The following HYDIN variants were observed in gnomAD, a reference collection of about 807,000 sequenced individuals.
HYDIN encodes axonemal central pair apparatus protein HYDIN.
Under a neutral mutation model 403.9 loss-of-function variants are expected in HYDIN, and 132 were observed. The observed-to-expected ratio is 0.33, with a 90% CI of 0.28 to 0.38. HYDIN has a LOEUF of 0.38. Among genes scored for constraint, HYDIN ranks in the 10% least tolerant of loss-of-function variants. The pLI, the probability that HYDIN is intolerant of heterozygous loss-of-function variation, is 1.00. For missense variants in HYDIN, 2,827 were observed against 5,009.5 expected, an observed-to-expected ratio of 0.56 and a Z score of 13.15; for synonymous variants, 1,202 against 1,891.7, an observed-to-expected ratio of 0.64 and a Z score of 9.46.
At chr16:71,105,486 A>G (rs867166378) in intron 10 of HYDIN, among the ~76,000 whole-genome samples, 1 of 124,156 alleles carries the variant, frequency 8.1e-6, no homozygotes, top group Non-Finnish European at 1.7e-5. Context: ...TTCAATCTCC[A>G]TTCTTTAATT....
chr16:70,834,719 A>C (rs1053458984), intron 78 of HYDIN, among the ~76,000 whole-genome samples: 2 of 151,842 alleles, frequency 1.3e-5, no homozygotes, highest in Non-Finnish European at 2.9e-5. Flanking sequence ...TTTGTGGTTT[A>C]TGCCTGTAGT....
intron 50 of HYDIN, among the ~76,000 whole-genome samples, chr16:70,905,027 G>T (rs2143767482): frequency 6.6e-6 from 1 of 152,258 alleles, no homozygotes; most frequent in South Asian, 2.1e-4. Flanking sequence ...AAGCAAACCA[G>T]AAGGCCCAAG....
intron 28 of HYDIN, among the ~76,000 whole-genome samples, chr16:70,982,806 C>T (rs1319683662): frequency 3.1e-5 from 2 of 65,036 alleles, no homozygotes; most frequent in African/African-American, 1.1e-4. Flanking sequence ...TTTGCTATTG[C>T]CATTACAGAT....
chr16:70,868,919 T>C (rs867533619), intron 65 of HYDIN, 131 bp from the exon 66 acceptor site: 9 of 713,524 alleles, frequency 1.3e-5, no homozygotes, highest in South Asian at 1.2e-4. Context: ...CCTGTGTATG[T>C]AGACAGAATT....
intron 39 of HYDIN, among the ~76,000 whole-genome samples, chr16:70,958,249 AT>A (rs1490398724): frequency 6.6e-6 from 1 of 151,426 alleles, no homozygotes; most frequent in African/African-American, 2.4e-5. Flanking sequence ...AAGGGGAAAA[AT>A]AACTTATATT....
At chr16:70,888,767 C>T (rs986695789) in intron 58 of HYDIN, among the ~76,000 whole-genome samples, 1 of 152,240 alleles carries the variant, frequency 6.6e-6, no homozygotes, top group Non-Finnish European at 1.5e-5. Flanking sequence ...CACCTCATGA[C>T]AGCTTGGAGA....
intron 36 of HYDIN, among the ~76,000 whole-genome samples, chr16:70,967,259 A>C (rs2078606469): frequency 6.6e-6 from 1 of 152,250 alleles, no homozygotes; most frequent in East Asian, 1.9e-4. Flanking sequence ...CAGTAGCCTT[A>C]CTGTTAGTAG....
Position 70,955,437 on chromosome 16 carries a change from C to T in HYDIN, c.6254G>A (p.Arg2085Gln), listed in dbSNP as rs1307663214. ...VANSNNIPGI[R>Q]ARELCIRAAI... ...AGCCCTGATGCAGAGCTCACGGGCC[C>T]GGATCCCTGGGATGTTGTTGCTGTT... Residue 2085 changes from arginine to glutamine, a missense_variant, in exon 40 of 86, where the codon CGG becomes CAG. By Grantham distance (43) the Arg-to-Gln change is conservative. Transcript: ENST00000393567. 1.1e-5 allele frequency: 18 copies of T among 1,613,980 alleles called. No homozygotes were observed. The highest frequency in any genetic ancestry group is 1.7e-5 in the Admixed American group (1 of 60,000).
chr16:71,065,004 C>T (rs1312547813), intron 15 of HYDIN, among the ~76,000 whole-genome samples, 164 bp from the exon 16 acceptor site: 2 of 152,218 alleles, frequency 1.3e-5, no homozygotes, highest in Non-Finnish European at 2.9e-5. Flanking sequence ...TTCCCTGTCT[C>T]TTGGCCCCCA....
intron 11 of HYDIN, among the ~76,000 whole-genome samples, chr16:71,092,966 T>C (rs561046112): frequency 3.4e-4 from 49 of 146,178 alleles, no homozygotes; most frequent in Admixed American, 1.8e-3. Context: ...ACGATCCACA[T>C]TTCTCATATG....
rs1266418715 is a variant in HYDIN, at chr16:70,835,691, T to C, written c.13386A>G (p.Glu4462=). Residue 4462 remains glutamate (E), a synonymous_variant, in exon 78 of 86, where the codon GAA becomes GAG. Transcript: ENST00000393567. ...FNQSILFTIP[E]LQEPKVLTLA... ...GAGCACCAACCTTGGGTTCCTGGAG[T>C]TCTGGAATTGTGAACAGAATGGACT... is the stretch of plus-strand genomic sequence containing the variant. The C allele has an allele frequency of 4.3e-6, 3 of 697,084 alleles. No homozygotes were observed. The East Asian group carries it at 8.1e-5, about 19-fold the overall frequency. The allele number at this position is 697,084 out of a possible 1,614,324, so 43.2% of individuals were successfully genotyped here.
At chr16:71,230,452 G>A in intron 1 of HYDIN, 110 bp downstream of exon 1, 1 of 1,323,034 alleles carries the variant, frequency 7.6e-7, no homozygotes. Context: ...TGGAAAGTCT[G>A]GAGAACGCCT....
chr16:70,814,145 G>A (rs2035681962), intron 84 of HYDIN, among the ~76,000 whole-genome samples: 1 of 152,130 alleles, frequency 6.6e-6, no homozygotes, highest in African/African-American at 2.4e-5. Flanking sequence ...CAGCAGCGTA[G>A]TTTGGTATCT....
At position 71,098,188 on chromosome 16, in the gene HYDIN, G is replaced by A. The variant is rs1368227070; in HGVS notation, c.1328-4253C>T. Reference sequence around the variant, plus strand: ...AGTTGTGGCAATACTCTAAACTATAGATAAAACTTTCTTTCTTTTTTTTTT... The same window carrying A: ...AGTTGTGGCAATACTCTAAACTATAAATAAAACTTTCTTTCTTTTTTTTTT... On this transcript the variant is annotated intron_variant, in intron 10 of 85. Coordinates refer to ENST00000393567, the MANE Select transcript of HYDIN (RefSeq NM_001270974.2). 2.7e-5 allele frequency among the ~76,000 whole-genome samples: 4 copies of A among 147,360 alleles called. No individual in the cohort carries two copies. The South Asian group carries it at 6.4e-4, about 23-fold the overall frequency.
At chr16:70,852,972 G>A (rs1213769362) in intron 73 of HYDIN, among the ~76,000 whole-genome samples, 3 of 149,800 alleles carry the variant, frequency 2.0e-5, no homozygotes, top group African/African-American at 2.5e-5. Context: ...TCAGGAGCTC[G>A]AGACCAGCCT....
intron 10 of HYDIN, among the ~76,000 whole-genome samples, chr16:71,102,581 TTA>T (rs1360101382): frequency 1.3e-5 from 2 of 151,514 alleles, no homozygotes; most frequent in Admixed American, 6.6e-5. Context: ...GCAAAAACAT[TTA>T]TGTTTGCTTG....
chr16:71,176,878 A>C (rs1054251511), intron 4 of HYDIN, among the ~76,000 whole-genome samples: 1 of 152,184 alleles, frequency 6.6e-6, no homozygotes, highest in African/African-American at 2.4e-5. Context: ...TATCTTTTGT[A>C]CCCCACGACA....
chr16:71,213,527 A>T (rs2088704510), intron 1 of HYDIN, among the ~76,000 whole-genome samples: 1 of 152,142 alleles, frequency 6.6e-6, no homozygotes, highest in Non-Finnish European at 1.5e-5. Flanking sequence ...ATAGAATGAG[A>T]GTGACAATGC....
At chr16:71,040,183 G>T (rs1597617495) in intron 18 of HYDIN, among the ~76,000 whole-genome samples, 1 of 152,122 alleles carries the variant, frequency 6.6e-6, no homozygotes, top group South Asian at 2.1e-4. Context: ...GTGCCGATGC[G>T]GTTGGCTGGT....
Sources: gnomAD v4.1 joint callset for allele counts (sites outside exome capture counted in the v4.1 genomes callset) on GRCh38, gnomAD v4.1.1 for gene constraint, MANE v1.5 for transcripts, NCBI Gene and HGNC (gene_info 2026-07-23, HGNC 2026-07-21) for gene names.